Variants in NCKAP5 observed in about 807,000 individuals in gnomAD.
NCKAP5 encodes the protein nck-associated protein 5.
In NCKAP5, 92 loss-of-function variants were observed where a neutral mutation model predicts 167.0. The observed-to-expected ratio is 0.55, with a 90% CI of 0.47 to 0.66. The LOEUF (loss-of-function observed/expected upper bound fraction) is 0.66, where lower values mean the gene tolerates loss of function less well. NCKAP5 is among the 30% of genes least tolerant of loss of function. NCKAP5 has a pLI of 0.00. For synonymous variants in NCKAP5, 891 were observed against 877.4 expected (o/e 1.02, Z -0.27); for missense variants, 2,378 against 2,315.0 (o/e 1.03, Z -0.56).
At chr2:133,381,786 A>G (rs898160811) in intron 3 of NCKAP5, among the ~76,000 whole-genome samples, 2 of 152,220 alleles carry the variant, frequency 1.3e-5, no homozygotes, top group Non-Finnish European at 2.9e-5. Flanking sequence ...ATACAAATAC[A>G]CATGTGGATT....
chr2:133,323,120 G>A (rs1682176603), intron 3 of NCKAP5, among the ~76,000 whole-genome samples: 1 of 152,172 alleles, frequency 6.6e-6, no homozygotes, highest in African/African-American at 2.4e-5. Flanking sequence ...TTGTGAACAA[G>A]TGTGTTTTCA....
intron 6 of NCKAP5, among the ~76,000 whole-genome samples, chr2:133,088,477 T>C (rs1489803228): frequency 2.0e-5 from 3 of 152,150 alleles, no homozygotes; most frequent in African/African-American, 7.2e-5. Context: ...CAAGCTCTCC[T>C]GCCCTCTCTT....
chr2:133,220,299 T>G (rs1213600041), intron 4 of NCKAP5, among the ~76,000 whole-genome samples: 1 of 149,350 alleles, frequency 6.7e-6, no homozygotes, highest in Non-Finnish European at 1.5e-5. Context: ...AGCTGTGGAT[T>G]CTTATTTACT....
rs557924582 is a variant in NCKAP5, at chr2:133,534,514, C to G, written c.-61-16927G>C. On this transcript the variant is annotated intron_variant, in intron 2 of 19. Transcript: ENST00000409261. ...CATCCCCTACCCCTTACCCAGCCCC[C>G]GGCAACCATTCATCTACATTCTGTC... is the stretch of plus-strand genomic sequence containing the variant. 1.2e-4 allele frequency among the ~76,000 whole-genome samples: 19 copies of G among 152,232 alleles called. 1 individual carries two copies. The South Asian group carries it at 2.5e-3, about 20-fold the overall frequency.
intron 3 of NCKAP5, among the ~76,000 whole-genome samples, chr2:133,458,117 A>C (rs1053556148): frequency 6.6e-6 from 1 of 152,170 alleles, no homozygotes; most frequent in Admixed American, 6.5e-5. Context: ...AGCTGAACAA[A>C]CAGAGTTAAA....
chr2:133,192,705 A>G (rs2150086206), intron 5 of NCKAP5, among the ~76,000 whole-genome samples: 1 of 152,190 alleles, frequency 6.6e-6, no homozygotes. Flanking sequence ...TGAGATATCA[A>G]TACATAACTA....
the NCKAP5 span, among the ~76,000 whole-genome samples, chr2:133,597,806 C>T: frequency 6.6e-6 from 1 of 152,072 alleles, no homozygotes; most frequent in African/African-American, 2.4e-5. Context: ...TAAGCACAGC[C>T]AGTGGATGCA....
intron 19 of NCKAP5, among the ~76,000 whole-genome samples, chr2:132,719,153 T>C (rs1014240134): frequency 2.0e-5 from 3 of 151,842 alleles, no homozygotes; most frequent in African/African-American, 7.3e-5. Flanking sequence ...AGGACATGCA[T>C]AAACAAGGTA....
intron 5 of NCKAP5, among the ~76,000 whole-genome samples, chr2:133,175,303 A>C (rs576170662): frequency 1.3e-5 from 2 of 152,100 alleles, no homozygotes; most frequent in South Asian, 4.2e-4. Context: ...TTTTTGCCCT[A>C]GTTTGTCTGT....
chr2:133,351,995 T>A, intron 3 of NCKAP5, among the ~76,000 whole-genome samples: 1 of 152,046 alleles, frequency 6.6e-6, no homozygotes, highest in Non-Finnish European at 1.5e-5. Flanking sequence ...CCTCAAGCCC[T>A]TCCAAGGTTT....
chr2:133,444,943 G>T (rs1351898811), intron 3 of NCKAP5, among the ~76,000 whole-genome samples: 1 of 152,200 alleles, frequency 6.6e-6, no homozygotes, highest in East Asian at 1.9e-4. Context: ...TGCATTTTAA[G>T]ATCTGAAGAG....
intron 5 of NCKAP5, among the ~76,000 whole-genome samples, chr2:133,206,782 A>G (rs2085969894): frequency 6.6e-6 from 1 of 152,164 alleles, no homozygotes; most frequent in Non-Finnish European, 1.5e-5. Context: ...AATATCGCTG[A>G]ATTCTCTTCC....
At chr2:133,156,013 C>G (rs913647727) in intron 5 of NCKAP5, among the ~76,000 whole-genome samples, 1 of 152,228 alleles carries the variant, frequency 6.6e-6, no homozygotes. Context: ...CTATACAGCT[C>G]TTAAGACAGG....
intron 8 of NCKAP5, among the ~76,000 whole-genome samples, chr2:132,921,926 A>G (rs1165045431): frequency 6.6e-6 from 1 of 152,186 alleles, no homozygotes; most frequent in Non-Finnish European, 1.5e-5. Context: ...ATCAGAGTCA[A>G]TATCAGGACT....
At chr2:132,694,103 T>TTTTATTTATTTA (rs140401537) in intron 19 of NCKAP5, among the ~76,000 whole-genome samples, 4,682 of 146,982 alleles carry the variant, frequency 0.032, 218 homozygotes, top group African/African-American at 0.089. Context: ...GTTTTAAGTG[T>TTTTATTTATTTA]TTTATTTATT....
chr2:132,785,737 C>A lies in NCKAP5; in HGVS notation c.1093-19G>T. On this transcript the variant is annotated intron_variant, in intron 13 of 19. Coordinates refer to ENST00000409261, the MANE Select transcript of NCKAP5 (RefSeq NM_207363.3). ...ATGATTGCTAGGAAAGAAAAGTAGA[C>A]ATCAGAAATGATTGAACCATGTAGA... 1.4e-6 allele frequency: 2 copies of A among 1,472,662 alleles called. No individual in the cohort carries two copies. Among genetic ancestry groups the A allele is most frequent in the Non-Finnish European group, 1.8e-6 (2 of 1,111,766 alleles). 91.2% of individuals were successfully genotyped at this position (1,472,662 alleles called of 1,614,324 possible). A position where few individuals can be genotyped will look rare whatever the true frequency, so the allele number is the denominator to read the frequency against.
intron 3 of NCKAP5, among the ~76,000 whole-genome samples, chr2:133,317,272 A>G (rs1189086501): frequency 1.3e-5 from 2 of 152,174 alleles, no homozygotes; most frequent in African/African-American, 4.8e-5. Flanking sequence ...CACCATGAAG[A>G]TGAGGACTGA....
intron 8 of NCKAP5, among the ~76,000 whole-genome samples, chr2:132,880,071 C>T (rs1691629373): frequency 6.6e-6 from 1 of 152,100 alleles, no homozygotes; most frequent in South Asian, 2.1e-4. Context: ...TGCATGTTCT[C>T]ACTCATATAC....
At chr2:132,845,975 T>A (rs1328897959) in intron 11 of NCKAP5, among the ~76,000 whole-genome samples, 1 of 152,182 alleles carries the variant, frequency 6.6e-6, no homozygotes, top group Non-Finnish European at 1.5e-5. Flanking sequence ...GTTTCATTCA[T>A]TTAGATCTTA....
Sources: gnomAD v4.1 joint callset for allele counts (sites outside exome capture counted in the v4.1 genomes callset) on GRCh38, gnomAD v4.1.1 for gene constraint, MANE v1.5 for transcripts, NCBI Gene and HGNC (gene_info 2026-07-23, HGNC 2026-07-21) for gene names.